Variants in AP2A1 observed in about 807,000 individuals in gnomAD.
The protein encoded by AP2A1 is AP-2 complex subunit alpha-1.
A neutral mutation model predicts 107.3 loss-of-function variants in AP2A1; 21 were observed. The observed-to-expected ratio is 0.20, with a 90% CI of 0.14 to 0.28. The LOEUF (loss-of-function observed/expected upper bound fraction) is 0.28. AP2A1 is among the 10% of genes least tolerant of loss of function. AP2A1 has a pLI of 1.00. For synonymous variants in AP2A1, 602 were observed against 564.8 expected (o/e 1.07, Z -0.93); for missense variants, 873 against 1,307.7 (o/e 0.67, Z 5.13).
chr19:49,803,549 A>G lies in AP2A1; in HGVS notation c.2344+173A>G, dbSNP rs115134494. The stretch of plus-strand genomic sequence containing the variant: ...AGATGGGGGTGGGATTCCTTCCCCC[A>G]GGACAGGGGATGACAGTGAAGTGGT... On this transcript the variant is annotated intron_variant, in intron 18 of 22. Coordinates refer to ENST00000354293, the MANE Select transcript of AP2A1 (RefSeq NM_130787.3). 1.2e-3 allele frequency: 741 copies of G among 639,848 alleles called. 8 individuals are homozygous for G. The African/African-American group carries it at 0.012, about 11-fold the overall frequency. The allele number at this position is 639,848 out of a possible 1,614,324, so 39.6% of individuals were successfully genotyped here.
chr19:49,773,767 T>C (rs1038920448), intron 1 of AP2A1, among the ~76,000 whole-genome samples: 1 of 152,012 alleles, frequency 6.6e-6, no homozygotes, highest in African/African-American at 2.4e-5. Context: ...GCTGAAAAGG[T>C]GGCATTGGAG....
At position 49,795,812 on chromosome 19, in the gene AP2A1, C is replaced by T. The variant is rs983966750; in HGVS notation, c.814+74C>T. 9.5e-6 allele frequency: 11 copies of T among 1,157,310 alleles called. No homozygotes were observed. The African/African-American group carries it at 1.1e-4, about 11-fold the overall frequency. The allele number at this position is 1,157,310 out of a possible 1,614,324, so 71.7% of individuals were successfully genotyped here. ...TCTGGGGGCCTCCTGCTCCACGGCG[C>T]ACCAGGTGGGACTGGAGGGTCTGGG... On this transcript the variant is annotated intron_variant, in intron 7 of 22. Transcript: ENST00000354293.
intron 15 of AP2A1, 30 bp downstream of exon 15, chr19:49,802,171 C>G (rs1400673332): frequency 1.4e-5 from 22 of 1,519,848 alleles, no homozygotes; most frequent in Non-Finnish European, 1.9e-5. Flanking sequence ...GGCCCCTTCT[C>G]GCGGCCACCC....
In AP2A1 at chr19:49,800,395, C is replaced by T. The variant is rs565982263; in HGVS notation, c.1455+245C>T. 1.2e-4 allele frequency among the ~76,000 whole-genome samples: 18 copies of T among 152,318 alleles called. No individual in the cohort carries two copies. In the East Asian group the frequency reaches 1.4e-3, roughly 11 times the overall value. Reference sequence around the variant, plus strand: ...GCACCCAGTGTGCAGTCCTGGCCCCCGGATCTCGGTAGTTTCCCTCTGCCC... The same window carrying T: ...GCACCCAGTGTGCAGTCCTGGCCCCTGGATCTCGGTAGTTTCCCTCTGCCC... On this transcript the variant is annotated intron_variant, in intron 11 of 22. Transcript: ENST00000354293.
intron 18 of AP2A1, chr19:49,803,843 G>A (rs1290772596): frequency 1.2e-5 from 2 of 168,000 alleles, no homozygotes; most frequent in African/African-American, 4.8e-5. Flanking sequence ...AGATCAGAGT[G>A]TCTGGAAAAC....
In AP2A1 at chr19:49,802,079, C is replaced by T. The variant is rs1238826938; in HGVS notation, c.2052C>T (p.Asp684=). Residue 684 remains aspartate (D), a synonymous_variant, in exon 15 of 23, where the codon GAC becomes GAT. Transcript: ENST00000354293. Reference sequence around the variant, plus strand: ...CAGGAGCAGGGAACCTTCTGGTGGACGTCTTCGATGGCCCGGCCGCCCAGC... The same window carrying T: ...CAGGAGCAGGGAACCTTCTGGTGGATGTCTTCGATGGCCCGGCCGCCCAGC... ...ASAGAGNLLV[D]VFDGPAAQPS... 1.0e-5 allele frequency: 16 copies of T among 1,592,240 alleles called. No homozygotes were observed. The highest frequency in any genetic ancestry group is 4.0e-5 in the African/African-American group (3 of 74,762).
intron 8 of AP2A1, 58 bp from the exon 9 acceptor site, chr19:49,799,269 C>T (rs2073247603): frequency 8.3e-6 from 13 of 1,572,380 alleles, no homozygotes; most frequent in Non-Finnish European, 1.1e-5. Context: ...GGCCCGAGTC[C>T]TCCACCTTCT....
chr19:49,772,268 T>G (rs1281112401), intron 1 of AP2A1, among the ~76,000 whole-genome samples: 2 of 134,884 alleles, frequency 1.5e-5, no homozygotes, highest in African/African-American at 2.8e-5. Flanking sequence ...TTTTTTTTTT[T>G]TTTTTTTTTG....
At chr19:49,775,632 G>A (rs1179038248) in intron 1 of AP2A1, among the ~76,000 whole-genome samples, 1 of 152,088 alleles carries the variant, frequency 6.6e-6, no homozygotes, top group African/African-American at 2.4e-5. Flanking sequence ...CAGATTCCTG[G>A]GCTCAAGTGA....
Position 49,785,794 on chromosome 19 carries a change from G to A in AP2A1, c.473+3070G>A, listed in dbSNP as rs1228652490. Among the ~76,000 whole-genome samples, 1 of 152,096 alleles carries A rather than the reference G, an allele frequency of 6.6e-6. No individual in the cohort carries two copies. Among genetic ancestry groups the A allele is most frequent in the Non-Finnish European group, 1.5e-5 (1 of 68,022 alleles). On this transcript the variant is annotated intron_variant, in intron 4 of 22. Coordinates refer to ENST00000354293, the MANE Select transcript of AP2A1 (RefSeq NM_130787.3). This position sits in a 1 kb window ranked among gnomAD's most constrained non-coding sequence, Gnocchi z 4.1. Reference sequence around the variant, plus strand: ...TAGTCAGGTGTGGTGGCGGGCACCTGTAATCCCAGCTACTTGGGAGGCTTA... The same window carrying A: ...TAGTCAGGTGTGGTGGCGGGCACCTATAATCCCAGCTACTTGGGAGGCTTA...
chr19:49,802,630 C>CGGGGGGGGCGGGGGGGGGGGGGGGGGGG, intron 15 of AP2A1: 1 of 659,810 alleles, frequency 1.5e-6, no homozygotes, highest in Non-Finnish European at 2.4e-6. Flanking sequence ...GGAGGTCGGT[C>CGGGGGGGGCGGGGGGGGGGGGGGGGGGG]GGGGGGGCGG....
intron 4 of AP2A1, among the ~76,000 whole-genome samples, chr19:49,787,618 G>C (rs2084757973): frequency 6.6e-6 from 1 of 151,740 alleles, no homozygotes; most frequent in Non-Finnish European, 1.5e-5. Flanking sequence ...CAAAGTGCTA[G>C]GATTACAGGC....
At chr19:49,771,519 C>T (rs1307333991) in intron 1 of AP2A1, among the ~76,000 whole-genome samples, 1 of 151,774 alleles carries the variant, frequency 6.6e-6, no homozygotes, top group Non-Finnish European at 1.5e-5. Context: ...AGCGATTCTC[C>T]TGCCTCAGCC....
chr19:49,767,060 C>CCCGGTCCCCGCTTG lies in AP2A1; in HGVS notation c.-71_-58dup. 2 of 1,497,278 alleles carry CCCGGTCCCCGCTTG rather than the reference C, an allele frequency of 1.3e-6. No individual in the cohort carries two copies. Among genetic ancestry groups the CCCGGTCCCCGCTTG allele is most frequent in the Admixed American group, 2.1e-5 (1 of 48,510 alleles). The allele number at this position is 1,497,278 out of a possible 1,614,324, so 92.7% of individuals were successfully genotyped here. A position where few individuals can be genotyped will look rare whatever the true frequency, so the allele number is the denominator to read the frequency against. On this transcript the variant is annotated 5_prime_UTR_variant, in exon 1 of 23. Coordinates refer to ENST00000354293, the MANE Select transcript of AP2A1 (RefSeq NM_130787.3). ...TTGGCGCTGCCTGGGGTCCTTTCCG[C>CCCGGTCCCCGCTTG]CCGGTCCCCGCTTGCCAGCCCCCGC...
chr19:49,807,020 T>TCGC lies in AP2A1; in HGVS notation c.*263_*264insGCC. The TCGC allele has an allele frequency of 1.5e-6, 2 of 1,338,570 alleles. No individual in the cohort carries two copies. The highest frequency in any genetic ancestry group is 2.0e-6 in the Non-Finnish European group (2 of 996,932). 82.9% of individuals were successfully genotyped at this position (1,338,570 alleles called of 1,614,324 possible). A position where few individuals can be genotyped will look rare whatever the true frequency, so the allele number is the denominator to read the frequency against. On this transcript the variant is annotated 3_prime_UTR_variant, in exon 23 of 23. Transcript: ENST00000354293. ...AGGGGCCAGGGAAGTGGATGTCTCC[T>TCGC]CCCCTCCCACCCCACCCTGTTGTAG...
chr19:49,776,817 A>G (rs553162036), intron 1 of AP2A1, among the ~76,000 whole-genome samples: 2 of 152,332 alleles, frequency 1.3e-5, no homozygotes, highest in East Asian at 1.9e-4. Flanking sequence ...TGGGGCCACA[A>G]CTGCTCCTGT....
At chr19:49,779,878 G>A (rs2084656241) in intron 1 of AP2A1, among the ~76,000 whole-genome samples, 3 of 152,228 alleles carry the variant, frequency 2.0e-5, no homozygotes, top group Non-Finnish European at 4.4e-5. Flanking sequence ...TGCAGCGCTA[G>A]GGTCCTCTTA....
rs138546600 is a variant in AP2A1, at chr19:49,769,892, C to T, written c.67+2692C>T. 2.2e-4 allele frequency among the ~76,000 whole-genome samples: 34 copies of T among 151,662 alleles called. No homozygotes were observed. The East Asian group carries it at 6.2e-3, about 28-fold the overall frequency. On this transcript the variant is annotated intron_variant, in intron 1 of 22. Coordinates refer to ENST00000354293, the MANE Select transcript of AP2A1 (RefSeq NM_130787.3). ...TGGGTTGGTGATACATTTTTTTTTC[C>T]GAGACAGTCTCTGTTGCCCAGGTTG...
chr19:49,806,295 G>GC, intron 22 of AP2A1, 42 bp downstream of exon 22: 1 of 1,553,334 alleles, frequency 6.4e-7, no homozygotes, highest in Non-Finnish European at 8.7e-7. Context: ...CAGGAAGGCC[G>GC]CCTGTCATCT....
Sources: allele counts gnomAD v4.1 joint callset (sites outside exome capture counted in the v4.1 genomes callset), GRCh38; gene constraint gnomAD v4.1.1; non-coding constraint Gnocchi (gnomAD v3.1); transcripts MANE v1.5; gene names NCBI Gene and HGNC (gene_info 2026-07-23, HGNC 2026-07-21).